Variants in DAB1 observed in about 807,000 individuals in gnomAD.
DAB1 encodes the protein disabled homolog 1.
DAB1 carries 15 observed loss-of-function variants against 64.6 expected under a neutral mutation model. The ratio of observed to expected loss-of-function variants is 0.23; its 90% CI spans 0.16 to 0.36. The LOEUF (loss-of-function observed/expected upper bound fraction) is 0.36. DAB1 is among the 10% of genes least tolerant of loss of function. The pLI, the probability that DAB1 is intolerant of heterozygous loss-of-function variation, is 1.00. For missense variants in DAB1, 596 were observed against 706.7 expected (o/e 0.84, Z 1.78); for synonymous variants, 235 against 251.9 (o/e 0.93, Z 0.64).
At chr1:58,279,249 C>G (rs575425691) in intron 4 of DAB1, among the ~76,000 whole-genome samples, 43 of 152,156 alleles carry the variant, frequency 2.8e-4, no homozygotes, top group Non-Finnish European at 5.0e-4. Context: ...AAAGATAATG[C>G]CACTTAATTT....
chr1:57,918,865 T>C (rs371146788), intron 5 of DAB1, among the ~76,000 whole-genome samples: 1 of 151,122 alleles, frequency 6.6e-6, no homozygotes, highest in South Asian at 2.1e-4. Flanking sequence ...CAAGAGGATC[T>C]GCCCCTGTGA....
intron 1 of DAB1, among the ~76,000 whole-genome samples, chr1:57,419,639 T>G (rs1157931210): frequency 6.6e-6 from 1 of 152,214 alleles, no homozygotes; most frequent in Non-Finnish European, 1.5e-5. Flanking sequence ...TTTATCTCAT[T>G]TGAAAGATAA....
intron 5 of DAB1, among the ~76,000 whole-genome samples, chr1:58,013,846 C>T (rs1262067491): frequency 2.0e-5 from 3 of 151,868 alleles, no homozygotes; most frequent in African/African-American, 7.3e-5. Context: ...GGCAAATGGG[C>T]AAATCATGGA....
chr1:58,454,638 C>T (rs1274233788), intron 3 of DAB1, among the ~76,000 whole-genome samples: 1 of 152,140 alleles, frequency 6.6e-6, no homozygotes, highest in African/African-American at 2.4e-5. Flanking sequence ...CATCAGCCTC[C>T]TCCTGCTCCC....
At chr1:57,474,351 G>T (rs1220649013) in intron 7 of DAB1, among the ~76,000 whole-genome samples, 1 of 152,066 alleles carries the variant, frequency 6.6e-6, no homozygotes, top group Non-Finnish European at 1.5e-5. Flanking sequence ...CCATCTTACA[G>T]CCACGAAAAC....
chr1:57,519,819 A>T (rs1012207006), intron 7 of DAB1, among the ~76,000 whole-genome samples: 8 of 152,214 alleles, frequency 5.3e-5, no homozygotes, highest in Non-Finnish European at 1.2e-4. Flanking sequence ...ACTTCTATTG[A>T]TCTAAGGGAA....
chr1:57,675,126 A>G (rs78791478), intron 6 of DAB1, among the ~76,000 whole-genome samples: 1 of 152,354 alleles, frequency 6.6e-6, no homozygotes, highest in East Asian at 1.9e-4. Flanking sequence ...AAGTGACCAC[A>G]TGGAACAGTC....
chr1:57,189,569 C>T (rs1245705237), intron 2 of DAB1, among the ~76,000 whole-genome samples: 1 of 152,136 alleles, frequency 6.6e-6, no homozygotes. Context: ...CCCTTACCAC[C>T]TGCTTTCCTG....
intron 1 of DAB1, among the ~76,000 whole-genome samples, chr1:57,362,256 A>C (rs1679612359): frequency 6.6e-6 from 1 of 152,188 alleles, no homozygotes; most frequent in South Asian, 2.1e-4. Flanking sequence ...AGCAATTACA[A>C]TAATTAGATT....
intron 2 of DAB1, among the ~76,000 whole-genome samples, chr1:57,272,867 T>A (rs78034406): frequency 0.068 from 10,328 of 152,212 alleles, 527 homozygotes; most frequent in East Asian, 0.29. Context: ...GATAGGCTGG[T>A]GGCAAGATGA....
At chr1:58,485,068 T>C (rs12046984) in intron 3 of DAB1, among the ~76,000 whole-genome samples, 2 of 152,024 alleles carry the variant, frequency 1.3e-5, no homozygotes, top group East Asian at 3.9e-4. Context: ...TGGGTCAACA[T>C]AGGTTCATCA....
chr1:57,904,707 G>A (rs547095555), intron 5 of DAB1, among the ~76,000 whole-genome samples: 1 of 152,260 alleles, frequency 6.6e-6, no homozygotes, highest in East Asian at 1.9e-4. Context: ...AAGAACAAGG[G>A]CAGAGCCCCC....
intron 5 of DAB1, among the ~76,000 whole-genome samples, chr1:58,130,071 A>G (rs1389059181): frequency 1.5e-5 from 2 of 129,730 alleles, no homozygotes; most frequent in Non-Finnish European, 3.3e-5. Flanking sequence ...AAAGTCTCCC[A>G]TTATTAATGT....
At chr1:57,731,633 C>T (rs948538043) in intron 6 of DAB1, among the ~76,000 whole-genome samples, 6 of 151,860 alleles carry the variant, frequency 4.0e-5, no homozygotes, top group East Asian at 1.9e-4. Flanking sequence ...GGTGAAATCC[C>T]GTCTCTACTA....
At chr1:58,151,484 T>C (rs1212969082) in intron 4 of DAB1, among the ~76,000 whole-genome samples, 4 of 152,226 alleles carry the variant, frequency 2.6e-5, no homozygotes, top group African/African-American at 9.6e-5. Flanking sequence ...GCTGCATAAA[T>C]GTCTTCTTTT....
chr1:58,398,540 A>G (rs1377601490), intron 3 of DAB1, among the ~76,000 whole-genome samples: 13 of 152,254 alleles, frequency 8.5e-5, no homozygotes, highest in Non-Finnish European at 1.5e-5. Flanking sequence ...AGCAGATCGT[A>G]GAGTATAATA....
chr1:57,349,660 G>A (rs951136434), intron 1 of DAB1, among the ~76,000 whole-genome samples: 3 of 152,122 alleles, frequency 2.0e-5, no homozygotes, highest in African/African-American at 7.2e-5. Flanking sequence ...CTACCATGTA[G>A]GCACCTTCAA....
chr1:57,739,036 C>T (rs1159491456), intron 6 of DAB1, among the ~76,000 whole-genome samples: 1 of 152,212 alleles, frequency 6.6e-6, no homozygotes, highest in Admixed American at 6.5e-5. Flanking sequence ...TTTTATAGCG[C>T]TGTCTCCTGA....
At chr1:58,201,538 T>C (rs904364390) in intron 4 of DAB1, among the ~76,000 whole-genome samples, 1 of 152,166 alleles carries the variant, frequency 6.6e-6, no homozygotes, top group African/African-American at 2.4e-5. Flanking sequence ...AGTTGACAAA[T>C]GTACACTTAA....
Sources: gnomAD v4.1 joint callset for allele counts (sites outside exome capture counted in the v4.1 genomes callset) on GRCh38, gnomAD v4.1.1 for gene constraint, MANE v1.5 for transcripts, NCBI Gene and HGNC (gene_info 2026-07-23, HGNC 2026-07-21) for gene names.